C2: variants seen among roughly 807,000 people sequenced by gnomAD.
C2 encodes the protein complement C2.
A neutral mutation model predicts 85.2 loss-of-function variants in C2; 64 were observed. The ratio of observed to expected loss-of-function variants is 0.75; its 90% CI spans 0.61 to 0.92. The LOEUF (loss-of-function observed/expected upper bound fraction) is 0.92, where lower values mean the gene tolerates loss of function less well. Ranked by LOEUF, C2 falls within the 40% of genes least tolerant of loss-of-function variation. The pLI is 0.00. For synonymous variants in C2, 311 were observed against 370.8 expected (o/e 0.84, Z 1.85); for missense variants, 820 against 971.6 (o/e 0.84, Z 2.07).
intron 1 of C2, among the ~76,000 whole-genome samples, chr6:31,912,771 C>T (rs1354794075): frequency 1.3e-5 from 2 of 150,482 alleles, no homozygotes; most frequent in African/African-American, 4.9e-5. Context: ...ACCTGGGAGG[C>T]AGAGGCTGCA....
rs778166926 is a variant in C2 at position 31,928,818 on chromosome 6, T to C, written c.343T>C (p.Phe115Leu). The C allele has an allele frequency of 4.3e-6, 7 of 1,614,236 alleles. No individual in the cohort carries two copies. In the East Asian group the frequency reaches 1.6e-4, roughly 36 times the overall value. ...CTATCCCGTGGGTGGCAATGTGAGC[T>C]TCGAGTGTGAGGATGGCTTCATATT... ...GSYPVGGNVS[F>L]ECEDGFILRG... The change falls in exon 3 of 18, where the codon TTC (phenylalanine) becomes CTC (leucine). Residue 115 changes from phenylalanine to leucine, a missense_variant. Physicochemically the swap from Phe to Leu is conservative, Grantham distance 22. Coordinates refer to ENST00000299367, the MANE Select transcript of C2 (RefSeq NM_000063.6).
chr6:31,940,021 C>T (rs1266685811), intron 9 of C2, among the ~76,000 whole-genome samples: 1 of 152,190 alleles, frequency 6.6e-6, no homozygotes, highest in African/African-American at 2.4e-5. Context: ...AGTGATCCGC[C>T]TGCCTTGGTC....
At chr6:31,898,436 G>T (rs1161730822), upstream of C2, among the ~76,000 whole-genome samples, 1 of 152,150 alleles carries the variant, frequency 6.6e-6, no homozygotes, top group East Asian at 1.9e-4. Flanking sequence ...AATCTCGATA[G>T]CTGTATTTAG....
At chr6:31,932,961 C>T (rs563429584) in intron 3 of C2, among the ~76,000 whole-genome samples, 4 of 152,372 alleles carry the variant, frequency 2.6e-5, no homozygotes, top group East Asian at 1.9e-4. Context: ...TAACAAAATA[C>T]GAAAACCAGT....
Position 31,944,670 on chromosome 6 carries a change from T to C in C2, c.1903-57T>C. 1.2e-6 allele frequency: 2 copies of C among 1,607,480 alleles called. No individual in the cohort carries two copies. The highest frequency in any genetic ancestry group is 1.7e-6 in the Non-Finnish European group (2 of 1,175,968). ...TGCTGAGATTACAGGCGTGAGCCAC[T>C]GCACCCACCCGGGTCTGCTTATTCT... On this transcript the variant is annotated intron_variant, in intron 15 of 17. Coordinates refer to ENST00000299367, the MANE Select transcript of C2 (RefSeq NM_000063.6). The surrounding 1 kb of genome is among the most constrained non-coding windows in gnomAD (Gnocchi z 5.1).
At chr6:31,914,452 G>T (rs565421974) in intron 1 of C2, among the ~76,000 whole-genome samples, 1 of 151,464 alleles carries the variant, frequency 6.6e-6, no homozygotes, top group Admixed American at 6.6e-5. Context: ...TTAGCTGGGC[G>T]TAGTGGTGTA....
At chr6:31,905,458 C>T (rs1193479921) in intron 1 of C2, among the ~76,000 whole-genome samples, 1 of 149,420 alleles carries the variant, frequency 6.7e-6, no homozygotes, top group African/African-American at 2.5e-5. Flanking sequence ...AATTAGGATT[C>T]TTAGTGAGCT....
chr6:31,900,352 TCCCCGGCTGCCCCCCGCC>T (rs1270702364), upstream of C2: 1 of 1,603,834 alleles, frequency 6.2e-7, no homozygotes, highest in Non-Finnish European at 8.5e-7. This position sits in a 1 kb window ranked among gnomAD's most constrained non-coding sequence, Gnocchi z 9.7. Context: ...CAGGCAGGGG[TCCCCGGCTGCCCCCCGCC>T]CCCAGGCTGC....
chr6:31,927,661 G>C, upstream of C2: 1 of 1,610,562 alleles, frequency 6.2e-7, no homozygotes. The surrounding 1 kb of genome is among the most constrained non-coding windows in gnomAD (Gnocchi z 4.7). Context: ...CAGCAATGAA[G>C]CAGCTGCTGA....
At chr6:31,914,525 AG>A (rs1316905150) in intron 1 of C2, among the ~76,000 whole-genome samples, 3 of 150,190 alleles carry the variant, frequency 2.0e-5, no homozygotes, top group African/African-American at 7.4e-5. Flanking sequence ...TAGGAGGCAG[AG>A]GTTGCAGTGA....
chr6:31,918,472 C>T (rs1344597954), upstream of C2, among the ~76,000 whole-genome samples: 1 of 147,686 alleles, frequency 6.8e-6, no homozygotes, highest in Non-Finnish European at 1.5e-5. Context: ...ATGCATGCTT[C>T]TTGTCCCAGC....
upstream of C2, chr6:31,897,936 GT>G: frequency 9.5e-7 from 1 of 1,051,796 alleles, no homozygotes; most frequent in Non-Finnish European, 1.1e-6. Flanking sequence ...TCCCCATCTG[GT>G]TTTAGGTAAC....
chr6:31,897,955 G>A (rs1019776159), upstream of C2: 32 of 1,031,962 alleles, frequency 3.1e-5, no homozygotes, highest in Middle Eastern at 4.5e-4. Flanking sequence ...AACAAGCGGA[G>A]CTTCTGAACT....
chr6:31,936,137 T>C (rs1770399349), intron 7 of C2, 76 bp downstream of exon 7: 7 of 1,538,274 alleles, frequency 4.6e-6, no homozygotes, highest in Non-Finnish European at 5.3e-6. Flanking sequence ...AAATTCTGGA[T>C]GAGTTAAAAA....
At chr6:31,916,753 T>C (rs1286404470), upstream of C2, among the ~76,000 whole-genome samples, 128 of 143,548 alleles carry the variant, frequency 8.9e-4, 2 homozygotes, top group African/African-American at 2.6e-3. Flanking sequence ...CTCTGCCCTT[T>C]TTTTTTTTTT....
intron 2 of C2, among the ~76,000 whole-genome samples, chr6:31,928,440 G>A (rs111912404): frequency 1.3e-3 from 202 of 152,262 alleles, no homozygotes; most frequent in African/African-American, 4.2e-3. Context: ...GAATGGTCCT[G>A]GAGTCCTCTA....
intron 1 of C2, among the ~76,000 whole-genome samples, chr6:31,901,502 GT>G (rs1767265476): frequency 6.6e-6 from 1 of 151,992 alleles, no homozygotes; most frequent in South Asian, 2.1e-4. Flanking sequence ...GGAGGGAGGC[GT>G]GGTTCTCGGG....
intron 3 of C2, among the ~76,000 whole-genome samples, chr6:31,931,202 T>C (rs2151746128): frequency 6.6e-6 from 1 of 152,276 alleles, no homozygotes; most frequent in Non-Finnish European, 1.5e-5. Flanking sequence ...ATTCCCCTCC[T>C]GATGGACATT....
chr6:31,934,809 A>G, intron 6 of C2: 1 of 438,018 alleles, frequency 2.3e-6, no homozygotes, highest in Non-Finnish European at 3.1e-6. Flanking sequence ...CAGGAGTTTG[A>G]GACCAGCCTG....
Sources: gnomAD v4.1 joint callset for allele counts (sites outside exome capture counted in the v4.1 genomes callset) on GRCh38, gnomAD v4.1.1 for gene constraint, Gnocchi (gnomAD v3.1) non-coding constraint, MANE v1.5 for transcripts, NCBI Gene and HGNC (gene_info 2026-07-23, HGNC 2026-07-21) for gene names.